The following KIRREL3 variants were observed in gnomAD, a reference collection of about 807,000 sequenced individuals.
The protein encoded by KIRREL3 is kin of IRRE-like protein 3.
Under a neutral mutation model 89.7 loss-of-function variants are expected in KIRREL3, and 36 were observed. The observed-to-expected ratio is 0.40, with a 90% CI of 0.31 to 0.53. The LOEUF (loss-of-function observed/expected upper bound fraction) is 0.53. Ranked by LOEUF, KIRREL3 falls within the 20% of genes least tolerant of loss-of-function variation. KIRREL3 has a pLI of 0.49. For missense variants in KIRREL3, 864 were observed against 1,056.6 expected, an observed-to-expected ratio of 0.82 and a Z score of 2.53; for synonymous variants, 445 against 441.4, an observed-to-expected ratio of 1.01 and a Z score of -0.10.
intron 6 of KIRREL3, among the ~76,000 whole-genome samples, chr11:126,460,847 G>A (rs1956516683): frequency 1.3e-5 from 2 of 152,212 alleles, no homozygotes; most frequent in Admixed American, 1.3e-4. Context: ...CAGGACCTAC[G>A]CTGCTGTCGC....
rs1169907830 is a variant in KIRREL3, at chr11:126,656,635, T to C, written c.56-93723A>G. 3.3e-5 allele frequency among the ~76,000 whole-genome samples: 5 copies of C among 152,238 alleles called. No individual in the cohort carries two copies. The highest frequency in any genetic ancestry group is 1.2e-4 in the African/African-American group (5 of 41,472). On this transcript the variant is annotated intron_variant, in intron 1 of 16. Transcript: ENST00000525144. This position sits in a 1 kb window ranked among gnomAD's most constrained non-coding sequence, Gnocchi z 4.0. Reference sequence around the variant, plus strand: ...AAATCTTCATGCTTTTACCACCTTATACTGAGTAAGAAGATGAATTTGCAC... The same window carrying C: ...AAATCTTCATGCTTTTACCACCTTACACTGAGTAAGAAGATGAATTTGCAC...
At chr11:126,506,073 C>A (rs1958005132) in intron 4 of KIRREL3, among the ~76,000 whole-genome samples, 1 of 152,092 alleles carries the variant, frequency 6.6e-6, no homozygotes, top group Admixed American at 6.6e-5. Context: ...TATCTGTATG[C>A]AAAAATGAAT....
chr11:126,786,016 C>A (rs1950477915), intron 1 of KIRREL3, among the ~76,000 whole-genome samples: 1 of 149,810 alleles, frequency 6.7e-6, no homozygotes, highest in African/African-American at 2.5e-5. Flanking sequence ...TCACTTTTGT[C>A]AACCTGTTCC....
At chr11:126,457,063 G>A (rs1956367928) in intron 6 of KIRREL3, among the ~76,000 whole-genome samples, 1 of 152,084 alleles carries the variant, frequency 6.6e-6, no homozygotes, top group African/African-American at 2.4e-5. Context: ...AGAAAGTCAG[G>A]GAGAGAAAGA....
intron 1 of KIRREL3, among the ~76,000 whole-genome samples, chr11:126,962,048 C>T (rs766066932): frequency 1.3e-5 from 2 of 152,188 alleles, no homozygotes; most frequent in Non-Finnish European, 2.9e-5. Context: ...CACTTAACCT[C>T]GTCACCCAAG....
In KIRREL3 at chr11:126,924,135, T is replaced by A. The variant is rs1947592283; in HGVS notation, c.55+76320A>T. Among the ~76,000 whole-genome samples the A allele has an allele frequency of 6.6e-6, 1 of 152,250 alleles. No homozygotes were observed. Among genetic ancestry groups the A allele is most frequent in the African/African-American group, 2.4e-5 (1 of 41,468 alleles). ...TGTAGACACTTGATAAGCAGTGGTC[T>A]TATGGCTGGTAGCCCAGGCAGCTCT... On this transcript the variant is annotated intron_variant, in intron 1 of 16. Coordinates refer to ENST00000525144, the MANE Select transcript of KIRREL3 (RefSeq NM_032531.4). The surrounding 1 kb of genome is among the most constrained non-coding windows in gnomAD (Gnocchi z 4.7).
At chr11:126,915,903 C>T (rs1204698362) in intron 1 of KIRREL3, among the ~76,000 whole-genome samples, 3 of 152,148 alleles carry the variant, frequency 2.0e-5, no homozygotes, top group Non-Finnish European at 4.4e-5. Context: ...AAAAATTCTT[C>T]ACAAAGGTTC....
At chr11:126,854,920 C>T (rs1944460213) in intron 1 of KIRREL3, among the ~76,000 whole-genome samples, 1 of 152,140 alleles carries the variant, frequency 6.6e-6, no homozygotes, top group African/African-American at 2.4e-5. Flanking sequence ...AGCCACAGCC[C>T]TCGTTATAGT....
At chr11:126,426,289 C>T (rs1044624620) in intron 15 of KIRREL3, among the ~76,000 whole-genome samples, 4 of 152,214 alleles carry the variant, frequency 2.6e-5, no homozygotes, top group Non-Finnish European at 5.9e-5. Flanking sequence ...ACATGGGCCA[C>T]ACCTGTTATT....
At position 126,867,015 on chromosome 11, in the gene KIRREL3, C is replaced by T. The variant is rs1008679903; in HGVS notation, c.55+133440G>A. Among the ~76,000 whole-genome samples the T allele has an allele frequency of 1.1e-4, 16 of 152,202 alleles. No homozygotes were observed. The highest frequency in any genetic ancestry group is 3.9e-4 in the African/African-American group (16 of 41,458). ...CTGTCCTTGCGATAAGGCAGAGGGT[C>T]TAATTGAGCTGGTTAACACAAGCTG... On this transcript the variant is annotated intron_variant, in intron 1 of 16. Coordinates refer to ENST00000525144, the MANE Select transcript of KIRREL3 (RefSeq NM_032531.4). This position sits in a 1 kb window ranked among gnomAD's most constrained non-coding sequence, Gnocchi z 4.7.
At chr11:126,947,404 C>T (rs1471820004) in intron 1 of KIRREL3, among the ~76,000 whole-genome samples, 1 of 152,174 alleles carries the variant, frequency 6.6e-6, no homozygotes, top group Non-Finnish European at 1.5e-5. Context: ...AAAACATTTG[C>T]TGCACTACTC....
In KIRREL3 at chr11:126,492,808, C is replaced by T. The variant is rs1280530150; in HGVS notation, c.434-19342G>A. Among the ~76,000 whole-genome samples the T allele has an allele frequency of 6.6e-6, 1 of 152,122 alleles. No individual in the cohort carries two copies. Among genetic ancestry groups the T allele is most frequent in the Non-Finnish European group, 1.5e-5 (1 of 68,038 alleles). On this transcript the variant is annotated intron_variant, in intron 4 of 16. Coordinates refer to ENST00000525144, the MANE Select transcript of KIRREL3 (RefSeq NM_032531.4). The surrounding 1 kb of genome is among the most constrained non-coding windows in gnomAD (Gnocchi z 4.8). ...CTGCCCCGAGACCCAGCTCTTTCCT[C>T]CTCTTGGATGCTCTGGAGAGGGAGG... is the stretch of plus-strand genomic sequence containing the variant.
intron 1 of KIRREL3, among the ~76,000 whole-genome samples, chr11:126,833,670 C>A (rs1017838373): frequency 4.6e-5 from 7 of 152,186 alleles, no homozygotes; most frequent in African/African-American, 1.7e-4. Context: ...CACCTTTAGC[C>A]CCCGAGTGCT....
At chr11:126,534,387 G>C (rs1490760155) in intron 2 of KIRREL3, among the ~76,000 whole-genome samples, 1 of 152,234 alleles carries the variant, frequency 6.6e-6, no homozygotes, top group African/African-American at 2.4e-5. Flanking sequence ...GGGCATGGCA[G>C]AGGAGCAGGC....
At chr11:126,478,582 CGTGT>C (rs1283815541) in intron 4 of KIRREL3, among the ~76,000 whole-genome samples, 2 of 149,558 alleles carry the variant, frequency 1.3e-5, no homozygotes, top group Non-Finnish European at 3.0e-5. Context: ...TGTGTGTACA[CGTGT>C]GTATGTGTAT....
intron 1 of KIRREL3, among the ~76,000 whole-genome samples, chr11:126,770,860 G>T (rs904558676): frequency 6.6e-6 from 1 of 152,190 alleles, no homozygotes; most frequent in East Asian, 1.9e-4. Context: ...TTTTGAGACA[G>T]AATCTCACTC....
At chr11:126,582,160 G>A (rs886526168) in intron 1 of KIRREL3, among the ~76,000 whole-genome samples, 12 of 152,206 alleles carry the variant, frequency 7.9e-5, no homozygotes, top group Non-Finnish European at 1.5e-4. Context: ...TGAGCCAATC[G>A]TGGAGCCTCT....
In KIRREL3 at chr11:126,436,801, C is replaced by T. The variant is rs773524924; in HGVS notation, c.1552+10G>A. ...GTTCGTTGTTCCCTCATGGCCCTGG[C>T]AGCTCTCACCTTGCTCCTTGAGCCG... On this transcript the variant is annotated intron_variant, in intron 12 of 16. Coordinates refer to ENST00000525144, the MANE Select transcript of KIRREL3 (RefSeq NM_032531.4). 1.2e-6 allele frequency: 2 copies of T among 1,613,160 alleles called. No individual in the cohort carries two copies. The highest frequency in any genetic ancestry group is 1.3e-5 in the African/African-American group (1 of 74,910).
chr11:126,722,383 A>G (rs188333246), intron 1 of KIRREL3, among the ~76,000 whole-genome samples: 78 of 152,266 alleles, frequency 5.1e-4, no homozygotes, highest in Admixed American at 2.9e-3. Context: ...TCTTTCTCCA[A>G]CATTTCTTGT....
Sources: allele counts gnomAD v4.1 joint callset (sites outside exome capture counted in the v4.1 genomes callset), GRCh38; gene constraint gnomAD v4.1.1; non-coding constraint Gnocchi (gnomAD v3.1); transcripts MANE v1.5; gene names NCBI Gene and HGNC (gene_info 2026-07-23, HGNC 2026-07-21).